The following SLC6A17 variants were observed in gnomAD, a reference collection of about 807,000 sequenced individuals.
SLC6A17 encodes the protein solute carrier family 6 member 17, also known as sodium-dependent neutral amino acid transporter SLC6A17.
A neutral mutation model predicts 64.5 loss-of-function variants in SLC6A17; 21 were observed. The ratio of observed to expected loss-of-function variants is 0.33; its 90% CI spans 0.23 to 0.47. The LOEUF (loss-of-function observed/expected upper bound fraction) is 0.47, where lower values mean the gene tolerates loss of function less well. Among genes scored for constraint, SLC6A17 ranks in the 20% least tolerant of loss-of-function variants. SLC6A17 has a pLI of 1.00. For missense variants in SLC6A17, 682 were observed against 963.2 expected (o/e 0.71, Z 3.86); for synonymous variants, 372 against 399.5 (o/e 0.93, Z 0.82).
intron 1 of SLC6A17, among the ~76,000 whole-genome samples, chr1:110,165,638 C>T (rs899673752): frequency 2.6e-5 from 4 of 152,186 alleles, no homozygotes; most frequent in Admixed American, 1.3e-4. Flanking sequence ...ATGGTCAGGC[C>T]TTGGCTGGGG....
intron 1 of SLC6A17, among the ~76,000 whole-genome samples, chr1:110,166,636 C>T (rs1004862867): frequency 1.3e-5 from 2 of 152,152 alleles, no homozygotes; most frequent in Non-Finnish European, 1.5e-5. Flanking sequence ...AAATAATGCT[C>T]GGGTCAAGCC....
chr1:110,176,327 G>A (rs527807888), intron 5 of SLC6A17, among the ~76,000 whole-genome samples: 2 of 152,186 alleles, frequency 1.3e-5, no homozygotes, highest in Admixed American at 1.3e-4. Context: ...GACAGCAAAG[G>A]ACTCCCTTAC....
rs917844312 is a variant in SLC6A17 at position 110,192,986 on chromosome 1, G to A, written c.1299+288G>A. Among the ~76,000 whole-genome samples the A allele has an allele frequency of 5.9e-5, 9 of 152,202 alleles. No homozygotes were observed. The highest frequency in any genetic ancestry group is 1.0e-4 in the Non-Finnish European group (7 of 68,032). On this transcript the variant is annotated intron_variant, in intron 8 of 11. Transcript: ENST00000331565. The surrounding 1 kb of genome is among the most constrained non-coding windows in gnomAD (Gnocchi z 4.3). Reference sequence around the variant, plus strand: ...TTTCCATTTACTGAGTGGGCTTCTCGTGCATCAGTCACTGCCACAGGTAAT... The same window carrying A: ...TTTCCATTTACTGAGTGGGCTTCTCATGCATCAGTCACTGCCACAGGTAAT...
chr1:110,155,137 G>A (rs1260970613), intron 1 of SLC6A17, among the ~76,000 whole-genome samples: 2 of 152,206 alleles, frequency 1.3e-5, no homozygotes, highest in East Asian at 1.9e-4. Context: ...GGAAGTTCCT[G>A]AAGGTGGATA....
intron 2 of SLC6A17, 137 bp downstream of exon 2, chr1:110,167,352 C>A: frequency 9.1e-7 from 1 of 1,099,004 alleles, no homozygotes. Flanking sequence ...TAAGACAGCC[C>A]AGGAATAGCT....
Position 110,198,388 on chromosome 1 carries a change from A to G in SLC6A17, c.2128A>G (p.Asn710Asp), listed in dbSNP as rs1657029469. ...TSPLETSGNPNGRYGSGYLLA... is the reference protein window; with the variant it reads ...TSPLETSGNPDGRYGSGYLLA... ...ACCCCTGGAGACCAGCGGTAACCCC[A>G]ATGGACGCTATGGGAGCGGCTACCT... Residue 710 changes from asparagine to aspartate, a missense_variant, in exon 12 of 12, where the codon AAT (asparagine) becomes GAT (aspartate). Asn to Asp is a conservative substitution (Grantham distance 23). Coordinates refer to ENST00000331565, the MANE Select transcript of SLC6A17 (RefSeq NM_001010898.4). 1 of 1,613,964 alleles carries G rather than the reference A, an allele frequency of 6.2e-7. No individual in the cohort carries two copies.
intron 3 of SLC6A17, 69 bp from the exon 4 acceptor site, chr1:110,173,898 GGGCCTC>G: frequency 1.3e-6 from 2 of 1,529,236 alleles, no homozygotes; most frequent in Non-Finnish European, 8.8e-7. Context: ...CCGACGTGCT[GGGCCTC>G]GGGTGGAGCG....
intron 4 of SLC6A17, 67 bp downstream of exon 4, chr1:110,174,166 C>G: frequency 6.3e-7 from 1 of 1,576,018 alleles, no homozygotes; most frequent in Non-Finnish European, 8.6e-7. Flanking sequence ...ACAAGCTTAG[C>G]GCACACATTT....
At position 110,194,763 on chromosome 1, in the gene SLC6A17, T is replaced by C. The variant is rs1486183794; in HGVS notation, c.1484T>C (p.Met495Thr). The change falls in exon 9 of 12, where the codon ATG (methionine) becomes ACG (threonine). Residue 495 changes from methionine (M) to threonine (T), a missense_variant. Met to Thr is a moderately conservative substitution (Grantham distance 81). Transcript: ENST00000331565. ...GACACCTTCAAGGTGCCCAAGGAGA[T>C]GTTCACAGGTAACTCCTCCCTGCCC... ...IIDTFKVPKE[M>T]FTVGCCVFAF... The C allele has an allele frequency of 2.5e-6, 4 of 1,613,304 alleles. No individual in the cohort carries two copies. In the Admixed American group the frequency reaches 6.7e-5, roughly 27 times the overall value.
chr1:110,158,169 G>A (rs1051903178), intron 1 of SLC6A17, among the ~76,000 whole-genome samples: 1 of 152,160 alleles, frequency 6.6e-6, no homozygotes, highest in African/African-American at 2.4e-5. Flanking sequence ...CTAGAACAGG[G>A]CCTAGAACAT....
At position 110,166,907 on chromosome 1, in the gene SLC6A17, G is replaced by T. The variant is rs1033412840; in HGVS notation, c.-23G>T. 6 of 1,586,822 alleles carry T rather than the reference G, an allele frequency of 3.8e-6. No individual in the cohort carries two copies. Among genetic ancestry groups the T allele is most frequent in the Non-Finnish European group, 5.2e-6 (6 of 1,163,130 alleles). ...TCTTCTCTGTGTGCTGGGGAGCAGGGCTACACGGCCCAGGTGGCATCAATG... is the reference window on the plus strand; with the variant it reads ...TCTTCTCTGTGTGCTGGGGAGCAGGTCTACACGGCCCAGGTGGCATCAATG... On this transcript the variant is annotated 5_prime_UTR_variant, in exon 2 of 12. Transcript: ENST00000331565.
intron 8 of SLC6A17, among the ~76,000 whole-genome samples, chr1:110,193,651 C>T (rs945137796): frequency 6.6e-6 from 1 of 152,220 alleles, no homozygotes; most frequent in Non-Finnish European, 1.5e-5. Flanking sequence ...CTGCATCCTA[C>T]ACCCCAACCC....
intron 2 of SLC6A17, among the ~76,000 whole-genome samples, chr1:110,170,455 G>T (rs2101845661): frequency 6.6e-6 from 1 of 152,304 alleles, no homozygotes; most frequent in East Asian, 1.9e-4. Flanking sequence ...CTGCCCTCCA[G>T]CCTGGGCAAC....
In SLC6A17 at chr1:110,190,572, G is replaced by A. The variant is rs188548640; in HGVS notation, c.865-1400G>A. Among the ~76,000 whole-genome samples, 227 of 152,266 alleles carry A rather than the reference G, an allele frequency of 1.5e-3. 1 individual carries two copies. The highest frequency in any genetic ancestry group is 5.2e-3 in the African/African-American group (216 of 41,542). ...ATTTAGGGCTGTGATATTAAAGACA[G>A]CTAAAGTCCAGACGGACCCTAGAGT... On this transcript the variant is annotated intron_variant, in intron 6 of 11. Coordinates refer to ENST00000331565, the MANE Select transcript of SLC6A17 (RefSeq NM_001010898.4).
chr1:110,182,639 G>A lies in SLC6A17; in HGVS notation c.864+5900G>A, dbSNP rs566669172. On this transcript the variant is annotated intron_variant, in intron 6 of 11. Transcript: ENST00000331565. ...ATAGGAGCAGAGAGAGAGACAGGCA[G>A]GCCGACAGACAAACAGACATTCTAG... is the stretch of plus-strand genomic sequence containing the variant. Among the ~76,000 whole-genome samples the A allele has an allele frequency of 1.1e-4, 17 of 151,502 alleles. No homozygotes were observed. In the East Asian group the frequency reaches 2.9e-3, roughly 26 times the overall value.
chr1:110,166,793 AC>A, intron 1 of SLC6A17, 49 bp from the exon 2 acceptor site: 1 of 1,210,212 alleles, frequency 8.3e-7, no homozygotes, highest in Non-Finnish European at 1.1e-6. Flanking sequence ...TGGGCTCCTC[AC>A]CTTCCTGGTG....
At chr1:110,185,275 C>T in intron 6 of SLC6A17, among the ~76,000 whole-genome samples, 1 of 152,360 alleles carries the variant, frequency 6.6e-6, no homozygotes, top group East Asian at 1.9e-4. Context: ...AAGTGGAGAG[C>T]ATGTGGTAAA....
chr1:110,186,919 T>C (rs1184505541), intron 6 of SLC6A17, among the ~76,000 whole-genome samples: 1 of 151,790 alleles, frequency 6.6e-6, no homozygotes, highest in Non-Finnish European at 1.5e-5. Context: ...TACCAGAAAG[T>C]GAGTAGGAGG....
At chr1:110,177,134 CTTCA>C (rs1047961981) in intron 6 of SLC6A17, among the ~76,000 whole-genome samples, 1 of 152,116 alleles carries the variant, frequency 6.6e-6, no homozygotes, top group African/African-American at 2.4e-5. Context: ...GAGCAGGGAG[CTTCA>C]TTCATTCATT....
Sources: allele counts gnomAD v4.1 joint callset (sites outside exome capture counted in the v4.1 genomes callset), GRCh38; gene constraint gnomAD v4.1.1; non-coding constraint Gnocchi (gnomAD v3.1); transcripts MANE v1.5; gene names NCBI Gene and HGNC (gene_info 2026-07-23, HGNC 2026-07-21).